LUZP1: variants seen among roughly 807,000 people sequenced by gnomAD.
The protein encoded by LUZP1 is leucine zipper protein 1, also known as filamin mechanobinding actin cross-linking protein.
A neutral mutation model predicts 71.3 loss-of-function variants in LUZP1; 25 were observed. The observed-to-expected ratio is 0.35, with a 90% confidence interval of 0.26 to 0.49. LUZP1 has a LOEUF of 0.49. Ranked by LOEUF, LUZP1 falls within the 20% of genes least tolerant of loss-of-function variation. LUZP1 has a pLI of 0.99. For synonymous variants in LUZP1, 481 were observed against 506.4 expected (o/e 0.95, Z 0.67); for missense variants, 1,142 against 1,300.8 (o/e 0.88, Z 1.88).
At chr1:23,096,604 A>AG (rs1475162941) in intron 3 of LUZP1, among the ~76,000 whole-genome samples, 1 of 152,218 alleles carries the variant, frequency 6.6e-6, no homozygotes, top group Non-Finnish European at 1.5e-5. Flanking sequence ...ATCTTTAAAA[A>AG]GAAAAAAGAA....
chr1:23,107,988 ACTCATT>A, intron 3 of LUZP1, among the ~76,000 whole-genome samples: 1 of 152,110 alleles, frequency 6.6e-6, no homozygotes, highest in East Asian at 1.9e-4. Context: ...CCCATTTCCC[ACTCATT>A]CTGAGCTACC....
intron 2 of LUZP1, chr1:23,164,036 T>G (rs1215804429): frequency 1.3e-5 from 2 of 152,196 alleles, no homozygotes; most frequent in African/African-American, 4.8e-5. Flanking sequence ...GGGAACACTA[T>G]TATAGTCACC....
At chr1:23,140,296 C>T (rs1644292232) in intron 2 of LUZP1, 2 of 152,008 alleles carry the variant, frequency 1.3e-5, no homozygotes, top group African/African-American at 4.8e-5. Context: ...AGAAAGGGTA[C>T]TACACATATT....
rs1278709491 is a variant in LUZP1 at position 23,093,587 on chromosome 1, G to A, written c.675C>T (p.Asn225=). Residue 225 remains asparagine (N), a synonymous_variant, in exon 4 of 5, where the codon AAC becomes AAT. Transcript: ENST00000302291. The surrounding 1 kb of genome is among the most constrained non-coding windows in gnomAD (Gnocchi z 4.2). ...TAGAAGCATTCCTTGTATAATCTCG[G>A]TTCATTTTTTTGTTCTGCTCTAGTT... is the stretch of plus-strand genomic sequence containing the variant. 1.2e-6 allele frequency: 2 copies of A among 1,613,616 alleles called. No individual in the cohort carries two copies. Among genetic ancestry groups the A allele is most frequent in the Non-Finnish European group, 1.7e-6 (2 of 1,179,898 alleles).
At chr1:23,144,892 AT>A (rs1644330323) in intron 2 of LUZP1, among the ~76,000 whole-genome samples, 1 of 149,152 alleles carries the variant, frequency 6.7e-6, no homozygotes, top group Non-Finnish European at 1.5e-5. Flanking sequence ...TTTTGGGGGG[AT>A]TTTTTGGTTG....
intron 3 of LUZP1, among the ~76,000 whole-genome samples, chr1:23,096,859 G>C (rs547844587): frequency 1.5e-3 from 227 of 152,234 alleles, no homozygotes; most frequent in Admixed American, 2.7e-3. Context: ...TATAATCCCA[G>C]CTACTTGGGA....
chr1:23,114,221 G>A (rs984393293), intron 2 of LUZP1, among the ~76,000 whole-genome samples: 1 of 152,102 alleles, frequency 6.6e-6, no homozygotes, highest in African/African-American at 2.4e-5. Context: ...GAATAACTTG[G>A]GATCACAGAG....
chr1:23,109,610 C>T (rs1644011855), intron 2 of LUZP1: 1 of 152,132 alleles, frequency 6.6e-6, no homozygotes, highest in Non-Finnish European at 1.5e-5. Flanking sequence ...AGGTCGCAGT[C>T]AAAATACAGG....
chr1:23,113,183 A>C (rs561158473), intron 2 of LUZP1, among the ~76,000 whole-genome samples: 1 of 151,778 alleles, frequency 6.6e-6, no homozygotes, highest in Non-Finnish European at 1.5e-5. Flanking sequence ...ATCTGAGCCC[A>C]AAGTGTTTTT....
chr1:23,093,915 C>T lies in LUZP1; in HGVS notation c.347G>A (p.Arg116Gln), dbSNP rs149397570. ...TTCTAGCTTCTCTAATTCAGCCATT[C>T]GTTTCTGAAGCCGCTCAATCTCAGA... The change falls in exon 4 of 5, where the codon CGA becomes CAA. Residue 116 changes from arginine to glutamine, a missense_variant. Physicochemically the swap from Arg to Gln is conservative, Grantham distance 43 (BLOSUM62 1). Transcript: ENST00000302291. This position sits in a 1 kb window ranked among gnomAD's most constrained non-coding sequence, Gnocchi z 4.2. 4.3e-6 allele frequency: 7 copies of T among 1,614,050 alleles called. No individual in the cohort carries two copies. The highest frequency in any genetic ancestry group is 2.7e-5 in the African/African-American group (2 of 74,924).
At chr1:23,176,683 A>C (rs10917353) in intron 1 of LUZP1, among the ~76,000 whole-genome samples, 46,634 of 152,018 alleles carry the variant, frequency 0.31, 9,019 homozygotes, top group East Asian at 0.55. Flanking sequence ...CCCCAGAGAG[A>C]TCTCAAGACC....
chr1:23,152,827 G>A (rs145783800), intron 2 of LUZP1, among the ~76,000 whole-genome samples: 28 of 152,060 alleles, frequency 1.8e-4, no homozygotes, highest in African/African-American at 2.7e-4. Flanking sequence ...CACCGTTCCC[G>A]GCCAATTCTA....
chr1:23,143,109 A>T (rs899618335), intron 2 of LUZP1, among the ~76,000 whole-genome samples: 4 of 151,736 alleles, frequency 2.6e-5, no homozygotes, highest in African/African-American at 9.7e-5. Flanking sequence ...CCTGGGTTCG[A>T]GCAATTCCCC....
intron 4 of LUZP1, among the ~76,000 whole-genome samples, chr1:23,089,568 T>C (rs992084123): frequency 6.6e-6 from 1 of 151,520 alleles, no homozygotes; most frequent in African/African-American, 2.4e-5. Flanking sequence ...GGGGCCCAAA[T>C]AGCTGTCTTT....
At chr1:23,102,379 G>C (rs1261333739) in intron 3 of LUZP1, among the ~76,000 whole-genome samples, 1 of 152,124 alleles carries the variant, frequency 6.6e-6, no homozygotes, top group Non-Finnish European at 1.5e-5. Context: ...GTCTGAAATA[G>C]AACATAATCA....
Position 23,084,323 on chromosome 1 carries a change from T to G in LUZP1, c.*4572A>C, listed in dbSNP as rs1643724230. 2.0e-5 allele frequency: 3 copies of G among 152,212 alleles called. No homozygotes were observed. The South Asian group carries it at 6.2e-4, about 32-fold the overall frequency. 9.4% of individuals were successfully genotyped at this position (152,212 alleles called of 1,614,324 possible). ...TCATTTCCTTGCTCTTTTCAGCTTCTAGGTGTGGGAAGGCTCGTGGCTCCT... is the reference window on the plus strand; with the variant it reads ...TCATTTCCTTGCTCTTTTCAGCTTCGAGGTGTGGGAAGGCTCGTGGCTCCT... On this transcript the variant is annotated 3_prime_UTR_variant, in exon 5 of 5. Transcript: ENST00000302291.
intron 2 of LUZP1, among the ~76,000 whole-genome samples, chr1:23,110,110 C>CA (rs1226443789): frequency 6.6e-6 from 1 of 152,190 alleles, no homozygotes; most frequent in East Asian, 1.9e-4. Flanking sequence ...TATTAAATGA[C>CA]AGAGTTTAAA....
chr1:23,155,156 C>T (rs887431839), intron 2 of LUZP1, among the ~76,000 whole-genome samples: 34 of 152,252 alleles, frequency 2.2e-4, no homozygotes, highest in Admixed American at 2.1e-3. Context: ...CTACCAGGGA[C>T]CATTACTTTG....
chr1:23,169,150 G>A (rs1374079103), intron 1 of LUZP1: 2 of 152,228 alleles, frequency 1.3e-5, no homozygotes, highest in African/African-American at 2.4e-5. Context: ...CTTAAACTCA[G>A]AAGTTCGAGA....
Sources: gnomAD v4.1 joint callset for allele counts (sites outside exome capture counted in the v4.1 genomes callset) on GRCh38, gnomAD v4.1.1 for gene constraint, Gnocchi (gnomAD v3.1) non-coding constraint, MANE v1.5 for transcripts, NCBI Gene and HGNC (gene_info 2026-07-23, HGNC 2026-07-21) for gene names.